Variants in SERPINA10 observed in about 807,000 individuals in gnomAD.
SERPINA10 encodes the protein protein Z-dependent protease inhibitor.
SERPINA10 carries 24 observed loss-of-function variants against 28.0 expected under a neutral mutation model. That is an observed-to-expected ratio of 0.86 (90% CI 0.62 to 1.20). SERPINA10 has a LOEUF of 1.20. Among genes scored for constraint, SERPINA10 ranks in the 50% most tolerant of loss-of-function variants. SERPINA10 has a pLI of 0.00. For synonymous variants in SERPINA10, 207 were observed against 203.9 expected (o/e 1.02, Z -0.13); for missense variants, 521 against 537.7 (o/e 0.97, Z 0.31).
At position 94,286,146 on chromosome 14, in the gene SERPINA10, C is replaced by G; in HGVS notation, c.1105G>C (p.Glu369Gln). 6.2e-7 allele frequency: 1 copy of G among 1,614,128 alleles called. No individual in the cohort carries two copies. ...AGATTTCTTCCAGTAGCTGAGAGTT[C>G]ACTAAGGTCAGCAAAGGGTGAGAAG... is the stretch of plus-strand genomic sequence containing the variant. The part of the protein sequence containing the change: ...RIFSPFADLS[E>Q]LSATGRNLQV... Residue 369 changes from glutamate to glutamine, a missense_variant, in exon 4 of 5, where the codon GAA becomes CAA. Physicochemically the swap from Glu to Gln is conservative, Grantham distance 29 (BLOSUM62 2). Transcript: ENST00000261994.
At chr14:94,291,844 G>A (rs181369663) in intron 1 of SERPINA10, among the ~76,000 whole-genome samples, 3 of 152,356 alleles carry the variant, frequency 2.0e-5, no homozygotes, top group South Asian at 4.1e-4. Context: ...CGCCTCCAGC[G>A]CCAGGGCCCA....
rs1894954019 is a variant in SERPINA10, at chr14:94,283,830, T to C, written c.*135A>G. The C allele has an allele frequency of 1.2e-6, 1 of 852,932 alleles. No individual in the cohort carries two copies. Among genetic ancestry groups the C allele is most frequent in the Admixed American group, 2.0e-5 (1 of 49,266 alleles). The allele number at this position is 852,932 out of a possible 1,614,324, so 52.8% of individuals were successfully genotyped here. A position where few individuals can be genotyped will look rare whatever the true frequency, so the allele number is the denominator to read the frequency against. ...TCAGATAAGTGGGGACTACTGTATT[T>C]ATTTGAGAACACCCTAAACTAGTTA... On this transcript the variant is annotated 3_prime_UTR_variant, in exon 5 of 5. Transcript: ENST00000261994.
rs1213951668 is a variant in SERPINA10, at chr14:94,280,831, T to C, written c.*3134A>G. The stretch of plus-strand genomic sequence containing the variant: ...ATGGAGATAGGTCTATAAAGGATTT[T>C]ACTTAATAGAGGTTAAATAAGGAGC... On this transcript the variant is annotated 3_prime_UTR_variant, in exon 5 of 5. Transcript: ENST00000261994. The C allele has an allele frequency of 1.3e-5, 2 of 152,228 alleles. No homozygotes were observed. The highest frequency in any genetic ancestry group is 2.9e-5 in the Non-Finnish European group (2 of 68,030). 9.4% of individuals were successfully genotyped at this position (152,228 alleles called of 1,614,324 possible). A position where few individuals can be genotyped will look rare whatever the true frequency, so the allele number is the denominator to read the frequency against.
chr14:94,285,130 A>C (rs568263258), intron 4 of SERPINA10, among the ~76,000 whole-genome samples: 2 of 152,182 alleles, frequency 1.3e-5, no homozygotes, highest in Non-Finnish European at 2.9e-5. Flanking sequence ...GTATAAGAAA[A>C]TATTAAACCA....
chr14:94,284,265 C>T, intron 4 of SERPINA10, 109 bp from the exon 5 acceptor site: 1 of 1,022,726 alleles, frequency 9.8e-7, no homozygotes. Flanking sequence ...GGTCATGCTC[C>T]TGGGATTTAG....
Position 94,282,526 on chromosome 14 carries a change from T to C in SERPINA10, c.*1439A>G, listed in dbSNP as rs1425581543. ...CCTGGTCCCCATCAGATGTTTTAGA[T>C]GGAAGGAAGAGTAAAAAGGGCTTGG... On this transcript the variant is annotated 3_prime_UTR_variant, in exon 5 of 5. Coordinates refer to ENST00000261994, the MANE Select transcript of SERPINA10 (RefSeq NM_001100607.3). 1 of 152,098 alleles carries C rather than the reference T, an allele frequency of 6.6e-6. No homozygotes were observed. The highest frequency in any genetic ancestry group is 2.4e-5 in the African/African-American group (1 of 41,402). The allele number at this position is 152,098 out of a possible 1,614,324, so 9.4% of individuals were successfully genotyped here. A position where few individuals can be genotyped will look rare whatever the true frequency, so the allele number is the denominator to read the frequency against.
At chr14:94,284,769 A>T (rs922709901) in intron 4 of SERPINA10, among the ~76,000 whole-genome samples, 7 of 152,142 alleles carry the variant, frequency 4.6e-5, no homozygotes, top group Admixed American at 4.6e-4. Flanking sequence ...CTATATAATT[A>T]CTGTGTTATA....
intron 4 of SERPINA10, 100 bp from the exon 5 acceptor site, chr14:94,284,256 G>T (rs1894969156): frequency 1.9e-6 from 2 of 1,077,646 alleles, no homozygotes; most frequent in Non-Finnish European, 1.4e-6. Context: ...TACCCATGGG[G>T]TCATGCTCCT....
chr14:94,287,263 C>G (rs1895048307), intron 3 of SERPINA10, among the ~76,000 whole-genome samples: 1 of 152,182 alleles, frequency 6.6e-6, no homozygotes, highest in Non-Finnish European at 1.5e-5. Flanking sequence ...TATTTCTGAT[C>G]CAAGTGTTTA....
Position 94,290,041 on chromosome 14 carries a change from A to T in SERPINA10, c.553T>A (p.Tyr185Asn), listed in dbSNP as rs777039260. ...KETFFNLSKR[Y>N]FDTECVPMNF... is the part of the protein sequence containing the mutation. ...ATAGGCACGCACTCTGTATCAAAAT[A>T]CCTCTTGGATAAATTGAAGAAAGTC... The change falls in exon 2 of 5, where the codon TAT (tyrosine) becomes AAT (asparagine). Residue 185 changes from tyrosine (Y) to asparagine (N), a missense_variant. Coordinates refer to ENST00000261994, the MANE Select transcript of SERPINA10 (RefSeq NM_001100607.3). The T allele has an allele frequency of 6.2e-7, 1 of 1,614,176 alleles. No individual in the cohort carries two copies. Among genetic ancestry groups the T allele is most frequent in the Admixed American group, 1.7e-5 (1 of 60,020 alleles).
chr14:94,292,129 GAATT>G lies in SERPINA10; in HGVS notation c.-51+1056_-51+1059del, dbSNP rs1285059181. On this transcript the variant is annotated intron_variant, in intron 1 of 4. Coordinates refer to ENST00000261994, the MANE Select transcript of SERPINA10 (RefSeq NM_001100607.3). The stretch of plus-strand genomic sequence containing the variant: ...GTTATGGACTGAATGTGTCCCCTGA[GAATT>G]AATAAGTTGAAGCCCGAACCACCAT... 4.6e-5 allele frequency among the ~76,000 whole-genome samples: 7 copies of G among 152,324 alleles called. No homozygotes were observed. The South Asian group carries it at 8.3e-4, about 18-fold the overall frequency.
intron 4 of SERPINA10, among the ~76,000 whole-genome samples, chr14:94,285,047 C>A (rs1300610697): frequency 1.3e-5 from 2 of 152,136 alleles, no homozygotes; most frequent in African/African-American, 2.4e-5. Flanking sequence ...TGATTCCAGG[C>A]CACAGTTACC....
At chr14:94,288,611 T>C (rs1348747329) in intron 2 of SERPINA10, 52 bp from the exon 3 acceptor site, 1 of 1,608,290 alleles carries the variant, frequency 6.2e-7, no homozygotes. Flanking sequence ...TTGAAAAGCA[T>C]TGTTCTTGCT....
intron 4 of SERPINA10, 152 bp downstream of exon 4, chr14:94,285,956 A>G: frequency 3.2e-6 from 3 of 949,970 alleles, no homozygotes; most frequent in Non-Finnish European, 4.9e-6. Context: ...TTCTTAAAAC[A>G]TCCAACCTGG....
chr14:94,284,476 G>A (rs997310029), intron 4 of SERPINA10, among the ~76,000 whole-genome samples: 2 of 152,186 alleles, frequency 1.3e-5, no homozygotes, highest in Non-Finnish European at 2.9e-5. Context: ...ACTAATTCTT[G>A]AGCTGAGCTG....
chr14:94,284,801 T>C (rs1337499796), intron 4 of SERPINA10, among the ~76,000 whole-genome samples: 1 of 152,190 alleles, frequency 6.6e-6, no homozygotes, highest in Non-Finnish European at 1.5e-5. Context: ...AAACATAACA[T>C]GTAATTACAC....
intron 2 of SERPINA10, 76 bp from the exon 3 acceptor site, chr14:94,288,635 G>C: frequency 6.4e-7 from 1 of 1,569,964 alleles, no homozygotes; most frequent in Non-Finnish European, 8.7e-7. Context: ...ATAATAGAGA[G>C]GGAGCCTTCT....
At chr14:94,287,663 G>A (rs1366809547) in intron 3 of SERPINA10, among the ~76,000 whole-genome samples, 1 of 152,296 alleles carries the variant, frequency 6.6e-6, no homozygotes, top group East Asian at 1.9e-4. Flanking sequence ...TCTCAGGAAA[G>A]CCCAAGTCTT....
chr14:94,285,099 T>C (rs1470979535), intron 4 of SERPINA10, among the ~76,000 whole-genome samples: 1 of 152,192 alleles, frequency 6.6e-6, no homozygotes, highest in African/African-American at 2.4e-5. Context: ...TTAGTCTCTC[T>C]TGGAATTGAA....
Sources: allele counts gnomAD v4.1 joint callset (sites outside exome capture counted in the v4.1 genomes callset), GRCh38; gene constraint gnomAD v4.1.1; transcripts MANE v1.5; gene names NCBI Gene and HGNC (gene_info 2026-07-23, HGNC 2026-07-21).